SLC9A2: variants seen among roughly 807,000 people sequenced by gnomAD.
The protein encoded by SLC9A2 is solute carrier family 9 member A2, also known as sodium/hydrogen exchanger 2.
Under a neutral mutation model 71.7 loss-of-function variants are expected in SLC9A2, and 42 were observed. The observed-to-expected ratio is 0.59, with a 90% CI of 0.46 to 0.76. The LOEUF (loss-of-function observed/expected upper bound fraction) is 0.76, where lower values mean the gene tolerates loss of function less well. Ranked by LOEUF, SLC9A2 falls within the 30% of genes least tolerant of loss-of-function variation. The probability of loss-of-function intolerance (pLI) is 0.00; values close to 1 mark genes in which losing one functional copy is unlikely to be tolerated. For synonymous variants in SLC9A2, 396 were observed against 392.5 expected (o/e 1.01, Z -0.10); for missense variants, 829 against 1,017.4 (o/e 0.81, Z 2.52).
At chr2:102,632,155 C>CACATATATATACATATATATGTATATAT (rs1558701602) in intron 1 of SLC9A2, among the ~76,000 whole-genome samples, 13 of 107,360 alleles carry the variant, frequency 1.2e-4, no homozygotes, top group South Asian at 2.7e-4. Flanking sequence ...TACATATATA[C>CACATATATATACATATATATGTATATAT]ACATATATAC....
At chr2:102,681,232 C>T (rs1376889981) in intron 3 of SLC9A2, among the ~76,000 whole-genome samples, 2 of 152,174 alleles carry the variant, frequency 1.3e-5, no homozygotes, top group Non-Finnish European at 2.9e-5. Flanking sequence ...AGGATTAAGT[C>T]TTCCACAGTG....
intron 1 of SLC9A2, among the ~76,000 whole-genome samples, chr2:102,650,329 TG>T (rs929417980): frequency 4.0e-5 from 6 of 150,754 alleles, no homozygotes; most frequent in Middle Eastern, 3.2e-3. Context: ...GTTGGTGGGG[TG>T]GGGGGCAAGA....
chr2:102,683,150 T>G, intron 3 of SLC9A2, 111 bp from the exon 4 acceptor site: 4 of 731,186 alleles, frequency 5.5e-6, no homozygotes, highest in Non-Finnish European at 2.4e-6. Flanking sequence ...TCGATGATGT[T>G]GTAGTCTTGG....
intron 3 of SLC9A2, among the ~76,000 whole-genome samples, chr2:102,677,729 C>T (rs1456687023): frequency 1.3e-5 from 2 of 152,124 alleles, no homozygotes; most frequent in Non-Finnish European, 2.9e-5. Flanking sequence ...TTTCTTTTTC[C>T]TCATGGAGCA....
Position 102,684,067 on chromosome 2 carries a change from G to A in SLC9A2, c.1223-67G>A, listed in dbSNP as rs753215961. Reference sequence around the variant, plus strand: ...TCCCCATCGCAGAAGCACAGAAAATGAGTCTATGTATTTTCATATTTTGGC... The same window carrying A: ...TCCCCATCGCAGAAGCACAGAAAATAAGTCTATGTATTTTCATATTTTGGC... On this transcript the variant is annotated intron_variant, in intron 4 of 11. Transcript: ENST00000233969. The A allele has an allele frequency of 2.7e-5, 31 of 1,138,380 alleles. No homozygotes were observed. The African/African-American group carries it at 4.2e-4, about 15-fold the overall frequency. The allele number at this position is 1,138,380 out of a possible 1,614,324, so 70.5% of individuals were successfully genotyped here. A position where few individuals can be genotyped will look rare whatever the true frequency, so the allele number is the denominator to read the frequency against.
intron 4 of SLC9A2, 70 bp downstream of exon 4, chr2:102,683,548 A>G (rs1677494688): frequency 8.4e-7 from 1 of 1,197,200 alleles, no homozygotes; most frequent in Non-Finnish European, 1.2e-6. Flanking sequence ...TCCTTTTGTC[A>G]TTCCCTTTCT....
rs541234120 is a variant in SLC9A2, at chr2:102,700,148, A to G, written c.1587-922A>G. Among the ~76,000 whole-genome samples the G allele has an allele frequency of 3.3e-5, 5 of 152,200 alleles. No homozygotes were observed. The East Asian group carries it at 9.7e-4, about 29-fold the overall frequency. On this transcript the variant is annotated intron_variant, in intron 7 of 11. Coordinates refer to ENST00000233969, the MANE Select transcript of SLC9A2 (RefSeq NM_003048.6). Reference sequence around the variant, plus strand: ...AGTCATCGTTTGCTGAGATGGGAGGACTCTGGCAGAATATCAGTTCAGTTT... The same window carrying G: ...AGTCATCGTTTGCTGAGATGGGAGGGCTCTGGCAGAATATCAGTTCAGTTT...
At position 102,710,438 on chromosome 2, in the gene SLC9A2, T is replaced by C. The variant is rs899719940; in HGVS notation, c.*1949T>C. ...CTAATTTTTCCCAGTTTCCTATGTT[T>C]ATAACTATTATAAAGAGTTTAACTT... On this transcript the variant is annotated 3_prime_UTR_variant, in exon 12 of 12. Coordinates refer to ENST00000233969, the MANE Select transcript of SLC9A2 (RefSeq NM_003048.6). The C allele has an allele frequency of 7.7e-5, 11 of 142,636 alleles. No homozygotes were observed. The highest frequency in any genetic ancestry group is 2.7e-4 in the African/African-American group (11 of 40,198). 8.8% of individuals were successfully genotyped at this position (142,636 alleles called of 1,614,324 possible). A position where few individuals can be genotyped will look rare whatever the true frequency, so the allele number is the denominator to read the frequency against.
intron 1 of SLC9A2, 29 bp downstream of exon 1, chr2:102,620,166 G>A (rs771803376): frequency 2.0e-5 from 31 of 1,573,948 alleles, no homozygotes; most frequent in Non-Finnish European, 2.6e-5. Context: ...TGGGGAATGG[G>A]AGGGGGCGAT....
At chr2:102,632,029 TATATATATACATACAC>T (rs1676367629) in intron 1 of SLC9A2, among the ~76,000 whole-genome samples, 1 of 71,938 alleles carries the variant, frequency 1.4e-5, no homozygotes, top group African/African-American at 5.1e-5. Flanking sequence ...TATATATATA[TATATATATACATACAC>T]ACACACATAT....
chr2:102,692,529 C>G (rs1677683297), intron 5 of SLC9A2, among the ~76,000 whole-genome samples: 1 of 152,212 alleles, frequency 6.6e-6, no homozygotes, highest in Admixed American at 6.5e-5. Context: ...TAGTGGCCAT[C>G]TGCCCACCAA....
At chr2:102,669,016 G>C (rs1410779392) in intron 3 of SLC9A2, among the ~76,000 whole-genome samples, 1 of 152,160 alleles carries the variant, frequency 6.6e-6, no homozygotes, top group Non-Finnish European at 1.5e-5. Context: ...ATGCAAGGAC[G>C]CTTTTAGAGG....
intron 2 of SLC9A2, 132 bp from the exon 3 acceptor site, chr2:102,664,968 G>T (rs762584730): frequency 4.3e-5 from 40 of 937,284 alleles, no homozygotes; most frequent in Non-Finnish European, 6.5e-5. Flanking sequence ...AATACACAAT[G>T]ATTGTCATTT....
chr2:102,646,326 C>A, intron 1 of SLC9A2, among the ~76,000 whole-genome samples: 1 of 152,262 alleles, frequency 6.6e-6, no homozygotes, highest in East Asian at 1.9e-4. Context: ...AAGGAAAAAC[C>A]AGTACAGGCC....
chr2:102,649,608 C>T (rs1676792959), intron 1 of SLC9A2, among the ~76,000 whole-genome samples: 2 of 151,802 alleles, frequency 1.3e-5, no homozygotes, highest in Admixed American at 6.6e-5. Context: ...CTATAAGGAA[C>T]TTAAACAAAT....
chr2:102,691,004 AT>A (rs1382353414), intron 5 of SLC9A2, among the ~76,000 whole-genome samples: 1 of 150,088 alleles, frequency 6.7e-6, no homozygotes, highest in African/African-American at 2.4e-5. Context: ...AAGAATGCTC[AT>A]GACACTCACA....
Position 102,701,151 on chromosome 2 carries a change from T to C in SLC9A2, c.1668T>C (p.Tyr556=). 1 of 1,611,898 alleles carries C rather than the reference T, an allele frequency of 6.2e-7. No individual in the cohort carries two copies. Residue 556 remains tyrosine (Y), a synonymous_variant, in exon 8 of 12, where the codon TAT becomes TAC. Transcript: ENST00000233969. ...CAAAGTCAAGTATTGTATCTTTATA[T>C]AAAAAGCTTGAAATAAAACATGCCA... The part of the protein sequence containing the change: ...NQPKSSIVSL[Y]KKLEIKHAIE...
At chr2:102,638,501 G>C (rs1399294834) in intron 1 of SLC9A2, among the ~76,000 whole-genome samples, 1 of 152,220 alleles carries the variant, frequency 6.6e-6, no homozygotes, top group Non-Finnish European at 1.5e-5. Flanking sequence ...AGCTGAGCTG[G>C]GATTGCACTC....
intron 3 of SLC9A2, among the ~76,000 whole-genome samples, chr2:102,679,741 A>G (rs777308216): frequency 2.0e-5 from 3 of 152,200 alleles, no homozygotes; most frequent in Non-Finnish European, 4.4e-5. Flanking sequence ...AATAAACTGG[A>G]GATTACTTTT....
Sources: allele counts gnomAD v4.1 joint callset (sites outside exome capture counted in the v4.1 genomes callset), GRCh38; gene constraint gnomAD v4.1.1; transcripts MANE v1.5; gene names NCBI Gene and HGNC (gene_info 2026-07-23, HGNC 2026-07-21).